PDZD9: variants seen among roughly 807,000 people sequenced by gnomAD.
PDZD9 encodes PDZ domain containing 9, also known as PDZ domain-containing protein 9.
Under a neutral mutation model 16.3 loss-of-function variants are expected in PDZD9, and 13 were observed. The observed-to-expected ratio is 0.80, with a 90% confidence interval of 0.52 to 1.27. The LOEUF is 1.27. Ranked by LOEUF, PDZD9 falls within the 50% of genes most tolerant of loss-of-function variation. The pLI is 0.00. For missense variants in PDZD9, 288 were observed against 310.9 expected (o/e 0.93, Z 0.55); for synonymous variants, 120 against 111.0 (o/e 1.08, Z -0.51).
At chr16:21,977,347 C>T in the PDZD9 span, among the ~76,000 whole-genome samples, 1 of 151,806 alleles carries the variant, frequency 6.6e-6, no homozygotes, top group African/African-American at 2.4e-5. Context: ...GAGCAAGACC[C>T]TGTCTCTTAA....
the PDZD9 span, among the ~76,000 whole-genome samples, chr16:21,964,843 C>T: frequency 1.3e-5 from 2 of 152,128 alleles, no homozygotes; most frequent in African/African-American, 2.4e-5. Flanking sequence ...CACAGTGCCT[C>T]GCATAGGCAA....
chr16:21,963,974 C>T, the PDZD9 span, among the ~76,000 whole-genome samples: 1 of 152,072 alleles, frequency 6.6e-6, no homozygotes, highest in Non-Finnish European at 1.5e-5. Flanking sequence ...ATTATATAAT[C>T]TTGACAAGTA....
chr16:22,000,490 G>T lies in PDZD9; in HGVS notation c.31+527C>A, dbSNP rs943538479. On this transcript the variant is annotated intron_variant, in intron 1 of 3. Coordinates refer to ENST00000424898, the MANE Select transcript of PDZD9 (RefSeq NM_001363519.1). ...ACTGTTCCCTATCTTGATGGAGGGG[G>T]TGGTTCAACGTGGGTATAGCTTGTC... is the stretch of plus-strand genomic sequence containing the variant. Among the ~76,000 whole-genome samples the T allele has an allele frequency of 3.9e-5, 6 of 152,052 alleles. No homozygotes were observed. The East Asian group carries it at 9.6e-4, about 24-fold the overall frequency.
At chr16:21,977,671 C>T in the PDZD9 span, among the ~76,000 whole-genome samples, 28 of 152,276 alleles carry the variant, frequency 1.8e-4, no homozygotes, top group Admixed American at 5.9e-4. Context: ...TTCATACAGC[C>T]GCTTAAGACA....
the PDZD9 span, chr16:21,976,246 A>C: frequency 6.2e-7 from 1 of 1,608,932 alleles, no homozygotes; most frequent in African/African-American, 1.3e-5. Flanking sequence ...GCTGCCAAGT[A>C]AGTCTCAGTA....
the PDZD9 span, among the ~76,000 whole-genome samples, chr16:21,961,683 G>A: frequency 1.3e-5 from 1 of 75,550 alleles, no homozygotes; most frequent in Non-Finnish European, 3.2e-5. Context: ...AGACAGTCTC[G>A]CTGTGTCGCC....
the PDZD9 span, chr16:21,968,338 G>C: frequency 4.7e-6 from 1 of 213,848 alleles, no homozygotes; most frequent in Admixed American, 5.8e-5. Flanking sequence ...GCTTTGTTGA[G>C]ATGTAATTCA....
chr16:21,959,501 A>G, the PDZD9 span: 4 of 156,376 alleles, frequency 2.6e-5, 1 homozygote, highest in Admixed American at 1.9e-4. Context: ...TACTCCCACC[A>G]TAGTTGCAGT....
At chr16:21,978,215 A>G in the PDZD9 span, among the ~76,000 whole-genome samples, 2 of 152,316 alleles carry the variant, frequency 1.3e-5, no homozygotes, top group East Asian at 3.9e-4. Flanking sequence ...TCATTGCCGA[A>G]AGGACACACT....
chr16:21,988,318 A>G (rs879877368), intron 3 of PDZD9, among the ~76,000 whole-genome samples: 7 of 151,992 alleles, frequency 4.6e-5, no homozygotes, highest in Admixed American at 3.9e-4. Context: ...CACAAGAAGC[A>G]TTTTTAAGGG....
chr16:22,000,600 G>A (rs1167974078), intron 1 of PDZD9, among the ~76,000 whole-genome samples: 6 of 152,110 alleles, frequency 3.9e-5, no homozygotes, highest in East Asian at 1.9e-4. Context: ...CAAGGCGGGC[G>A]GATCACTTGA....
At chr16:21,960,094 C>T in the PDZD9 span, among the ~76,000 whole-genome samples, 1 of 152,178 alleles carries the variant, frequency 6.6e-6, no homozygotes, top group Non-Finnish European at 1.5e-5. Flanking sequence ...GTCAGCTTGT[C>T]GTTTGAAGCT....
chr16:21,982,199 A>C (rs1255538317), downstream of PDZD9, among the ~76,000 whole-genome samples: 1 of 152,004 alleles, frequency 6.6e-6, no homozygotes, highest in Non-Finnish European at 1.5e-5. Context: ...TGTGCGTCCC[A>C]ACCCGACTGC....
chr16:21,970,250 A>C, the PDZD9 span, among the ~76,000 whole-genome samples: 2 of 152,180 alleles, frequency 1.3e-5, no homozygotes, highest in African/African-American at 4.8e-5. Context: ...TCGTAAATAT[A>C]AACATTCACG....
At chr16:21,972,672 C>G in the PDZD9 span, among the ~76,000 whole-genome samples, 1 of 152,022 alleles carries the variant, frequency 6.6e-6, no homozygotes, top group East Asian at 1.9e-4. Context: ...GTCAGGAGTT[C>G]GAGACCAGCC....
chr16:21,983,170 A>AAT, downstream of PDZD9: 1 of 1,613,796 alleles, frequency 6.2e-7, no homozygotes, highest in Non-Finnish European at 8.5e-7. Flanking sequence ...GATGAGTTGT[A>AAT]ATACTGATGC....
chr16:21,958,623 A>G, the PDZD9 span: 260 of 1,592,290 alleles, frequency 1.6e-4, no homozygotes, highest in Middle Eastern at 1.3e-3. Flanking sequence ...GTAATAGAAA[A>G]TAGTGAAAAT....
the PDZD9 span, chr16:21,971,885 C>T: frequency 6.2e-7 from 1 of 1,609,862 alleles, no homozygotes; most frequent in Non-Finnish European, 8.5e-7. Flanking sequence ...GGTGAACAAG[C>T]CATTTTCTTC....
intron 3 of PDZD9, among the ~76,000 whole-genome samples, chr16:21,985,938 A>AT (rs1005318699): frequency 7.3e-5 from 11 of 150,550 alleles, no homozygotes; most frequent in East Asian, 1.9e-4. Context: ...CAGCACATGA[A>AT]TTTTTTTTTT....
Sources: gnomAD v4.1 joint callset for allele counts (sites outside exome capture counted in the v4.1 genomes callset) on GRCh38, gnomAD v4.1.1 for gene constraint, MANE v1.5 for transcripts, NCBI Gene and HGNC (gene_info 2026-07-23, HGNC 2026-07-21) for gene names.